The following SLC9A9 variants were observed in gnomAD, a reference collection of about 807,000 sequenced individuals.
The protein encoded by SLC9A9 is solute carrier family 9 member A9, also known as sodium/hydrogen exchanger 9.
SLC9A9 carries 62 observed loss-of-function variants against 77.8 expected under a neutral mutation model. The ratio of observed to expected loss-of-function variants is 0.80; its 90% CI spans 0.65 to 0.98. The LOEUF (loss-of-function observed/expected upper bound fraction) is 0.98, where lower values mean the gene tolerates loss of function less well. Among genes scored for constraint, SLC9A9 ranks in the 50% least tolerant of loss-of-function variants. SLC9A9 has a pLI of 0.00. For synonymous variants in SLC9A9, 320 were observed against 283.5 expected (o/e 1.13, Z -1.29); for missense variants, 775 against 774.9 (o/e 1.00, Z 0.00).
chr3:143,461,029 G>A (rs111379746), intron 12 of SLC9A9, among the ~76,000 whole-genome samples: 4 of 152,092 alleles, frequency 2.6e-5, no homozygotes, highest in South Asian at 2.1e-4. Context: ...TCAGGTCTGC[G>A]GATTGACATT....
At chr3:143,283,472 C>G (rs1938285828) in intron 14 of SLC9A9, among the ~76,000 whole-genome samples, 1 of 152,242 alleles carries the variant, frequency 6.6e-6, no homozygotes, top group East Asian at 1.9e-4. Flanking sequence ...AAATGCTTTA[C>G]ATTGCCCTCC....
intron 4 of SLC9A9, among the ~76,000 whole-genome samples, chr3:143,772,618 T>A (rs1560072605): frequency 6.6e-6 from 1 of 152,154 alleles, no homozygotes; most frequent in African/African-American, 2.4e-5. Context: ...ACCATAGCAC[T>A]TAAACACTCT....
chr3:143,821,281 G>A (rs1346008669), intron 2 of SLC9A9, among the ~76,000 whole-genome samples: 1 of 152,216 alleles, frequency 6.6e-6, no homozygotes, highest in African/African-American at 2.4e-5. Context: ...TATGGAAGGA[G>A]AAAAGGAAGT....
intron 4 of SLC9A9, among the ~76,000 whole-genome samples, chr3:143,709,194 C>G (rs1283908545): frequency 6.6e-6 from 1 of 152,172 alleles, no homozygotes; most frequent in Non-Finnish European, 1.5e-5. Context: ...CTCAAATTCG[C>G]TGCATATTAG....
chr3:143,728,893 G>C (rs554876075), intron 4 of SLC9A9, among the ~76,000 whole-genome samples: 7 of 152,004 alleles, frequency 4.6e-5, no homozygotes, highest in African/African-American at 1.7e-4. Flanking sequence ...AGATACATTA[G>C]AGGGGAGTGG....
At chr3:143,279,905 G>A (rs374227508) in intron 14 of SLC9A9, among the ~76,000 whole-genome samples, 26 of 152,106 alleles carry the variant, frequency 1.7e-4, no homozygotes, top group South Asian at 8.3e-4. Context: ...CTGCAGCCTC[G>A]ACCTCCTGAG....
intron 12 of SLC9A9, among the ~76,000 whole-genome samples, chr3:143,391,565 C>G (rs1576466309): frequency 1.3e-5 from 2 of 152,360 alleles, no homozygotes; most frequent in East Asian, 1.9e-4. Context: ...CAAAGGAACA[C>G]AGCTCCTTGC....
intron 8 of SLC9A9, among the ~76,000 whole-genome samples, chr3:143,568,851 C>CA (rs2037213182): frequency 6.6e-6 from 1 of 152,076 alleles, no homozygotes; most frequent in African/African-American, 2.4e-5. Context: ...GAGAATAAAT[C>CA]AAATAGTGCA....
At chr3:143,415,944 T>C (rs1156386820) in intron 12 of SLC9A9, among the ~76,000 whole-genome samples, 2 of 152,116 alleles carry the variant, frequency 1.3e-5, no homozygotes, top group Non-Finnish European at 2.9e-5. Context: ...GGTCAAAACA[T>C]CAACATTAAT....
In SLC9A9 at chr3:143,823,515, G is replaced by GA. The variant is rs1191728918; in HGVS notation, c.378+8503dup. Among the ~76,000 whole-genome samples, 5 of 152,178 alleles carry GA rather than the reference G, an allele frequency of 3.3e-5. No individual in the cohort carries two copies. In the East Asian group the frequency reaches 9.6e-4, roughly 29 times the overall value. ...TCAGAATACAGAATTTAAGATTTCA[G>GA]AAAAGACACAAAGGATAAATGCTTG... On this transcript the variant is annotated intron_variant, in intron 2 of 15. Transcript: ENST00000316549.
At chr3:143,392,392 G>A (rs896312296) in intron 12 of SLC9A9, among the ~76,000 whole-genome samples, 1 of 152,146 alleles carries the variant, frequency 6.6e-6, no homozygotes, top group African/African-American at 2.4e-5. Flanking sequence ...TTACAGACAA[G>A]CAAAGACTGA....
intron 11 of SLC9A9, among the ~76,000 whole-genome samples, chr3:143,480,206 C>T (rs1311445110): frequency 6.6e-6 from 1 of 152,170 alleles, no homozygotes; most frequent in African/African-American, 2.4e-5. Context: ...CAAAACCTAA[C>T]TGGCTGGTTA....
At chr3:143,505,000 A>C (rs2035987593) in intron 9 of SLC9A9, among the ~76,000 whole-genome samples, 1 of 152,178 alleles carries the variant, frequency 6.6e-6, no homozygotes. Flanking sequence ...TTTCATACAC[A>C]CATCTTGTTT....
rs1299516944 is a variant in SLC9A9, at chr3:143,495,328, A to G, written c.1203+7T>C. 9 of 1,596,948 alleles carry G rather than the reference A, an allele frequency of 5.6e-6. No individual in the cohort carries two copies. Among genetic ancestry groups the G allele is most frequent in the Non-Finnish European group, 6.9e-6 (8 of 1,164,292 alleles). ...AATCACCCCATGTTCTGTATTTCAA[A>G]GGATACAAAGGCTCCAAGTATAAAA... On this transcript the variant is annotated splice_region_variant and intron_variant, in intron 10 of 15. Coordinates refer to ENST00000316549, the MANE Select transcript of SLC9A9 (RefSeq NM_173653.4).
At chr3:143,842,006 C>T (rs1184186416) in intron 1 of SLC9A9, among the ~76,000 whole-genome samples, 1 of 152,126 alleles carries the variant, frequency 6.6e-6, no homozygotes, top group Admixed American at 6.5e-5. Context: ...CCACTTGCCT[C>T]GGCCTCCCAA....
chr3:143,572,075 T>C (rs2037267517), intron 8 of SLC9A9, among the ~76,000 whole-genome samples: 1 of 152,204 alleles, frequency 6.6e-6, no homozygotes, highest in South Asian at 2.1e-4. Context: ...CACACCCATA[T>C]TCACCCATCC....
chr3:143,481,192 C>T lies in SLC9A9; in HGVS notation c.1315+12461G>A, dbSNP rs1031261797. Reference sequence around the variant, plus strand: ...GCTTCCAGTCTAGAGGGAGTATGGGCAGGCAAACTAAAAATCATGGTACAG... The same window carrying T: ...GCTTCCAGTCTAGAGGGAGTATGGGTAGGCAAACTAAAAATCATGGTACAG... On this transcript the variant is annotated intron_variant, in intron 11 of 15. Coordinates refer to ENST00000316549, the MANE Select transcript of SLC9A9 (RefSeq NM_173653.4). Among the ~76,000 whole-genome samples, 4 of 152,094 alleles carry T rather than the reference C, an allele frequency of 2.6e-5. No homozygotes were observed. The East Asian group carries it at 5.8e-4, about 22-fold the overall frequency.
chr3:143,265,857 G>T lies in SLC9A9; in HGVS notation c.*845C>A, dbSNP rs569090349. 14 of 597,178 alleles carry T rather than the reference G, an allele frequency of 2.3e-5. No homozygotes were observed. In the East Asian group the frequency reaches 3.9e-4, roughly 17 times the overall value. The allele number at this position is 597,178 out of a possible 1,614,324, so 37.0% of individuals were successfully genotyped here. On this transcript the variant is annotated 3_prime_UTR_variant, in exon 16 of 16. Transcript: ENST00000316549. Reference sequence around the variant, plus strand: ...TGCTGCCAGGTAGAGAGCAACACAGGCTGCAGAATCCTACCCTCCAGCATA... The same window carrying T: ...TGCTGCCAGGTAGAGAGCAACACAGTCTGCAGAATCCTACCCTCCAGCATA...
At chr3:143,688,123 T>C (rs896730329) in intron 5 of SLC9A9, among the ~76,000 whole-genome samples, 1 of 151,716 alleles carries the variant, frequency 6.6e-6, no homozygotes, top group East Asian at 1.9e-4. Flanking sequence ...TCTCTCTCTC[T>C]CTCTTTCTTT....
Sources: gnomAD v4.1 joint callset for allele counts (sites outside exome capture counted in the v4.1 genomes callset) on GRCh38, gnomAD v4.1.1 for gene constraint, MANE v1.5 for transcripts, NCBI Gene and HGNC (gene_info 2026-07-23, HGNC 2026-07-21) for gene names.